Variants in MEIKIN observed in about 807,000 individuals in gnomAD.
MEIKIN encodes meiotic kinetochore factor.
At chr5:131,878,876 TA>T (rs34025279) in intron 9 of MEIKIN, 101 bp downstream of exon 9, 169,812 of 314,656 alleles carry the variant, frequency 0.54, 31,749 homozygotes, top group South Asian at 0.65. Context: ...CCCCATTTCT[TA>T]AAAAAAAAAA....
intron 11 of MEIKIN, among the ~76,000 whole-genome samples, chr5:131,819,470 G>GGGACA (rs1749441112): frequency 7.8e-6 from 1 of 128,142 alleles, no homozygotes; most frequent in African/African-American, 2.9e-5. Flanking sequence ...GGGAGGGGGA[G>GGGACA]GGGGGAAAGG....
At chr5:131,817,223 G>A (rs1773117334) in intron 12 of MEIKIN, among the ~76,000 whole-genome samples, 1 of 152,146 alleles carries the variant, frequency 6.6e-6, no homozygotes. Context: ...CTTGGACTTA[G>A]TGATGCCACT....
chr5:131,924,245 T>G (rs1751553795), intron 5 of MEIKIN, among the ~76,000 whole-genome samples: 1 of 152,142 alleles, frequency 6.6e-6, no homozygotes, highest in Non-Finnish European at 1.5e-5. Context: ...CATTTAGGTT[T>G]TTTCCACCTC....
chr5:131,864,975 T>G (rs1370484133), intron 9 of MEIKIN, among the ~76,000 whole-genome samples: 3 of 152,232 alleles, frequency 2.0e-5, no homozygotes, highest in African/African-American at 7.2e-5. Context: ...GTTCTGAGAT[T>G]CTTTCCTCTG....
Position 131,911,840 on chromosome 5 carries a change from T to C in MEIKIN, c.678A>G (p.Ala226=). ...TVADQNVSPK[A]KCASNSESDN... ...CTGATTCTGAATTTGAAGCACACTT[T>C]GCTTTTGGAGAAACATTTTGATCTG... The change falls in exon 8 of 13, where the codon GCA becomes GCG. Residue 226 remains alanine (A), a synonymous_variant. Transcript: ENST00000442687. 1 of 397,834 alleles carries C rather than the reference T, an allele frequency of 2.5e-6. No individual in the cohort carries two copies. The highest frequency in any genetic ancestry group is 4.4e-5 in the Admixed American group (1 of 22,690). The allele number at this position is 397,834 out of a possible 1,614,324, so 24.6% of individuals were successfully genotyped here.
chr5:131,865,706 G>A (rs1462675911), intron 9 of MEIKIN, among the ~76,000 whole-genome samples: 3 of 152,332 alleles, frequency 2.0e-5, no homozygotes, highest in Admixed American at 2.0e-4. Context: ...GAAGATGTGT[G>A]TATGTGCATA....
intron 11 of MEIKIN, among the ~76,000 whole-genome samples, chr5:131,837,432 A>G (rs573929151): frequency 1.3e-5 from 2 of 152,266 alleles, no homozygotes; most frequent in East Asian, 3.9e-4. Context: ...CATTGAATCT[A>G]TAAATTGCTT....
At chr5:131,912,562 C>A (rs1751348439) in intron 7 of MEIKIN, among the ~76,000 whole-genome samples, 1 of 151,948 alleles carries the variant, frequency 6.6e-6, no homozygotes, top group African/African-American at 2.4e-5. Flanking sequence ...CAGTTGAAAA[C>A]CAAATGTGAG....
chr5:131,885,885 G>C (rs1750787037), intron 8 of MEIKIN, among the ~76,000 whole-genome samples: 1 of 152,294 alleles, frequency 6.6e-6, no homozygotes, highest in Admixed American at 6.5e-5. Flanking sequence ...CAAAATAGCT[G>C]TTTTGAGGAA....
intron 8 of MEIKIN, among the ~76,000 whole-genome samples, chr5:131,893,403 T>A (rs528289795): frequency 6.6e-6 from 1 of 152,342 alleles, no homozygotes; most frequent in African/African-American, 2.4e-5. Flanking sequence ...GTGGGGGATA[T>A]AATCTCCTGG....
intron 12 of MEIKIN, among the ~76,000 whole-genome samples, chr5:131,811,660 G>A (rs974193416): frequency 2.0e-5 from 3 of 151,788 alleles, no homozygotes; most frequent in African/African-American, 7.3e-5. Flanking sequence ...AGGCTGGAGT[G>A]CAGTGGCACG....
intron 9 of MEIKIN, among the ~76,000 whole-genome samples, chr5:131,857,767 C>T (rs565840215): frequency 6.6e-5 from 10 of 152,210 alleles, no homozygotes; most frequent in Non-Finnish European, 1.0e-4. Context: ...TTTGCTGGCC[C>T]GCAAGCGCAG....
chr5:131,810,838 T>C (rs2149599977), intron 12 of MEIKIN, among the ~76,000 whole-genome samples: 1 of 152,338 alleles, frequency 6.6e-6, no homozygotes, highest in East Asian at 1.9e-4. Flanking sequence ...CAGTTATTAA[T>C]GAACAAAAAT....
intron 12 of MEIKIN, among the ~76,000 whole-genome samples, chr5:131,807,823 C>T (rs151032435): frequency 1.5e-3 from 226 of 152,320 alleles, no homozygotes; most frequent in African/African-American, 5.3e-3. Flanking sequence ...ATACCTCATC[C>T]TCTGGCCAAA....
chr5:131,863,675 A>G (rs1473615239), intron 9 of MEIKIN, among the ~76,000 whole-genome samples: 1 of 141,368 alleles, frequency 7.1e-6, no homozygotes, highest in African/African-American at 2.7e-5. Context: ...TTTCTATTTG[A>G]TATAGTTTGG....
intron 9 of MEIKIN, among the ~76,000 whole-genome samples, chr5:131,870,606 C>CCT (rs1282597994): frequency 2.6e-5 from 4 of 152,202 alleles, no homozygotes; most frequent in Non-Finnish European, 5.9e-5. Context: ...CTCAGAACAC[C>CCT]TGTCTTTCCT....
intron 10 of MEIKIN, among the ~76,000 whole-genome samples, chr5:131,853,328 T>A (rs1444931120): frequency 6.6e-6 from 1 of 152,144 alleles, no homozygotes. Flanking sequence ...CTGGATTTCA[T>A]CTCCTTGTGC....
intron 5 of MEIKIN, among the ~76,000 whole-genome samples, chr5:131,924,158 ATTTC>A (rs1224633127): frequency 4.6e-5 from 7 of 152,106 alleles, no homozygotes; most frequent in Non-Finnish European, 1.0e-4. Context: ...AAATTGCAGG[ATTTC>A]TTTCTTAAGA....
chr5:131,939,347 C>T (rs1397374908), intron 4 of MEIKIN, among the ~76,000 whole-genome samples: 1 of 150,830 alleles, frequency 6.6e-6, no homozygotes, highest in Non-Finnish European at 1.5e-5. Flanking sequence ...TGGTTTGTCT[C>T]TACTCTAGAC....
Sources: gnomAD v4.1 joint callset for allele counts (sites outside exome capture counted in the v4.1 genomes callset) on GRCh38, gnomAD v4.1.1 for gene constraint, MANE v1.5 for transcripts, NCBI Gene and HGNC (gene_info 2026-07-23, HGNC 2026-07-21) for gene names.